The following TSC2 variants were observed in gnomAD, a reference collection of about 807,000 sequenced individuals.
TSC2 encodes tuberin.
A neutral mutation model predicts 202.2 loss-of-function variants in TSC2; 29 were observed. That is an observed-to-expected ratio of 0.14 (90% CI 0.11 to 0.20). The LOEUF (loss-of-function observed/expected upper bound fraction) is 0.20, where lower values mean the gene tolerates loss of function less well. TSC2 is among the 10% of genes least tolerant of loss of function. The pLI is 1.00. For missense variants in TSC2, 2,429 were observed against 2,420.0 expected (o/e 1.00, Z -0.08); for synonymous variants, 1,349 against 1,044.0 (o/e 1.29, Z -5.63).
Position 2,086,475 on chromosome 16 carries a change from C to T in TSC2, c.4849+96C>T. On this transcript the variant is annotated intron_variant, in intron 37 of 41. Transcript: ENST00000219476. ...CCCACGCCCTGGGGCATGGCCCTGG[C>T]ACCCCCACCTGCTCCAGCTCCCCAC... 13 of 1,512,528 alleles carry T rather than the reference C, an allele frequency of 8.6e-6. 1 individual carries two copies. The South Asian group carries it at 1.2e-4, about 14-fold the overall frequency. The allele number at this position is 1,512,528 out of a possible 1,614,324, so 93.7% of individuals were successfully genotyped here. A position where few individuals can be genotyped will look rare whatever the true frequency, so the allele number is the denominator to read the frequency against.
chr16:2,075,927 C>G lies in TSC2; in HGVS notation c.2639+35C>G, dbSNP rs371719593. On this transcript the variant is annotated intron_variant, in intron 23 of 41. Transcript: ENST00000219476. ...CGCCCCAGGCCCTGTGCCTCCCAGC[C>G]GTGGCCCCCGCTAGGCCTTGCGGCA... is the stretch of plus-strand genomic sequence containing the variant. 13 of 1,612,714 alleles carry G rather than the reference C, an allele frequency of 8.1e-6. No individual in the cohort carries two copies. In the African/African-American group the frequency reaches 1.7e-4, roughly 21 times the overall value.
At chr16:2,056,811 A>T (rs1226175951) in intron 8 of TSC2, 42 bp downstream of exon 8, 1 of 1,601,874 alleles carries the variant, frequency 6.2e-7, no homozygotes, top group Middle Eastern at 1.7e-4. Flanking sequence ...CTGAGAGCAC[A>T]TGGATGGGAC....
At position 2,086,486 on chromosome 16, in the gene TSC2, G is replaced by A. The variant is rs2090811221; in HGVS notation, c.4849+107G>A. 8.1e-6 allele frequency: 12 copies of A among 1,488,254 alleles called. No homozygotes were observed. In the South Asian group the frequency reaches 1.3e-4, roughly 16 times the overall value. 92.2% of individuals were successfully genotyped at this position (1,488,254 alleles called of 1,614,324 possible). Reference sequence around the variant, plus strand: ...GGGCATGGCCCTGGCACCCCCACCTGCTCCAGCTCCCCACGCCTCAGGTTC... The same window carrying A: ...GGGCATGGCCCTGGCACCCCCACCTACTCCAGCTCCCCACGCCTCAGGTTC... On this transcript the variant is annotated intron_variant, in intron 37 of 41. Transcript: ENST00000219476.
chr16:2,060,148 G>T (rs1369599719), intron 10 of TSC2, among the ~76,000 whole-genome samples: 1 of 151,020 alleles, frequency 6.6e-6, no homozygotes, highest in Non-Finnish European at 1.5e-5. Context: ...TACAGCTTCA[G>T]TTTCCGCAGT....
chr16:2,058,972 G>T (rs1438600232), intron 10 of TSC2, 99 bp downstream of exon 10: 4 of 1,543,012 alleles, frequency 2.6e-6, no homozygotes, highest in Non-Finnish European at 2.6e-6. Flanking sequence ...GGGGGCTGCG[G>T]TGGCATTTCT....
rs2091258923 is a variant in TSC2, at chr16:2,088,826, C to T, written c.*216C>T. Reference sequence around the variant, plus strand: ...GGTACACAGAAGCAGGCACAGCCAGCTCCGAGGGCCTTGAGGCTGCCTGGG... The same window carrying T: ...GGTACACAGAAGCAGGCACAGCCAGTTCCGAGGGCCTTGAGGCTGCCTGGG... On this transcript the variant is annotated 3_prime_UTR_variant, in exon 42 of 42. Coordinates refer to ENST00000219476, the MANE Select transcript of TSC2 (RefSeq NM_000548.5). 2 of 638,488 alleles carry T rather than the reference C, an allele frequency of 3.1e-6. No homozygotes were observed. Among genetic ancestry groups the T allele is most frequent in the Non-Finnish European group, 5.3e-6 (2 of 376,026 alleles). The allele number at this position is 638,488 out of a possible 1,614,324, so 39.6% of individuals were successfully genotyped here.
intron 16 of TSC2, among the ~76,000 whole-genome samples, chr16:2,065,905 T>C (rs1326218703): frequency 6.6e-6 from 1 of 152,186 alleles, no homozygotes; most frequent in Non-Finnish European, 1.5e-5. Flanking sequence ...AGCGTGGCGC[T>C]TGCCCTCGTC....
At chr16:2,059,557 T>A (rs899605733) in intron 10 of TSC2, among the ~76,000 whole-genome samples, 1 of 149,708 alleles carries the variant, frequency 6.7e-6, no homozygotes, top group African/African-American at 2.5e-5. Context: ...TTCGCTCTTA[T>A]TGCCCAGGCT....
chr16:2,083,638 T>TCAGGGC (rs1221924861), intron 32 of TSC2, 57 bp from the exon 33 acceptor site: 2 of 1,551,962 alleles, frequency 1.3e-6, no homozygotes, highest in Non-Finnish European at 1.7e-6. Flanking sequence ...GGAGGCCACG[T>TCAGGGC]CAGGGCCAGG....
chr16:2,072,386 G>A (rs2151320510), intron 20 of TSC2, 23 bp downstream of exon 20: 2 of 1,613,482 alleles, frequency 1.2e-6, no homozygotes, highest in Non-Finnish European at 1.7e-6. Context: ...GCCTGGGGTT[G>A]GGGTGGGGGA....
At chr16:2,077,322 T>G in intron 25 of TSC2, 1 of 476,036 alleles carries the variant, frequency 2.1e-6, no homozygotes. Flanking sequence ...CCACACACGT[T>G]TAATTTGCAC....
rs1359264673 is a variant in TSC2, at chr16:2,053,796, TC to T, written c.336+348del. Reference sequence around the variant, plus strand: ...TGCCCTTGCACCCTTTCGGGGCCACTCCCCTGCTCACTGCATTCCATCTGTG... The same window carrying T: ...TGCCCTTGCACCCTTTCGGGGCCACTCCCTGCTCACTGCATTCCATCTGTG... On this transcript the variant is annotated intron_variant, in intron 4 of 41. Transcript: ENST00000219476. 5 of 525,914 alleles carry T rather than the reference TC, an allele frequency of 9.5e-6. No homozygotes were observed. The Admixed American group carries it at 1.1e-4, about 12-fold the overall frequency. The allele number at this position is 525,914 out of a possible 1,614,324, so 32.6% of individuals were successfully genotyped here. A position where few individuals can be genotyped will look rare whatever the true frequency, so the allele number is the denominator to read the frequency against.
intron 31 of TSC2, 30 bp from the exon 32 acceptor site, chr16:2,082,406 G>C (rs1324626474): frequency 1.2e-6 from 2 of 1,611,610 alleles, no homozygotes; most frequent in South Asian, 1.1e-5. Context: ...TCCTCCTGCT[G>C]ACGTGGCCGC....
At chr16:2,078,693 T>G in intron 26 of TSC2, 1 of 398,852 alleles carries the variant, frequency 2.5e-6, no homozygotes, top group Non-Finnish European at 4.8e-6. Context: ...TCTGGGCCTG[T>G]CTGTGTGGCC....
At chr16:2,058,702 G>A (rs1297137345) in intron 9 of TSC2, 45 bp from the exon 10 acceptor site, 1 of 1,555,266 alleles carries the variant, frequency 6.4e-7, no homozygotes, top group African/African-American at 1.4e-5. Flanking sequence ...CGGACCCTGG[G>A]ACAGGGCCCT....
rs397515026 is a variant in TSC2 at position 2,079,494 on chromosome 16, A to G, written c.3285-63A>G. 482 of 1,608,346 alleles carry G rather than the reference A, an allele frequency of 3.0e-4. 2 individuals are homozygous for G. In the African/African-American group the frequency reaches 5.1e-3, roughly 17 times the overall value. ...CACCGGCTGTCCCGAGCCCAGGCCC[A>G]CGTGGCACCCTCGTACCAGCCTGGG... On this transcript the variant is annotated intron_variant, in intron 28 of 41. Coordinates refer to ENST00000219476, the MANE Select transcript of TSC2 (RefSeq NM_000548.5). This position sits in a 1 kb window ranked among gnomAD's most constrained non-coding sequence, Gnocchi z 4.6.
At chr16:2,080,014 C>G (rs1412840729) in intron 29 of TSC2, 151 bp from the exon 30 acceptor site, 2 of 1,083,512 alleles carry the variant, frequency 1.8e-6, no homozygotes, top group East Asian at 4.7e-5. Flanking sequence ...GAGGCCAGCA[C>G]TGTGGTGGGC....
At chr16:2,063,076 C>G (rs2151174111) in intron 14 of TSC2, 23 bp downstream of exon 14, 1 of 1,551,228 alleles carries the variant, frequency 6.4e-7, no homozygotes, top group Non-Finnish European at 8.7e-7. Context: ...GCGGCCGCAG[C>G]TGGGGGCTCA....
chr16:2,065,543 C>G lies in TSC2; in HGVS notation c.1624C>G (p.Pro542Ala), dbSNP rs891347695. 1 of 1,613,734 alleles carries G rather than the reference C, an allele frequency of 6.2e-7. No homozygotes were observed. The highest frequency in any genetic ancestry group is 8.5e-7 in the Non-Finnish European group (1 of 1,179,958). Residue 542 changes from proline to alanine, a missense_variant, in exon 16 of 42, where the codon CCC becomes GCC. Transcript: ENST00000219476. The stretch of plus-strand genomic sequence containing the variant: ...GGTGATGGCCCGCTCCCTCTCCCCA[C>G]CCCCGGAGCTGGAAGAAAGGGATGT... ...EKVMARSLSPPPELEERDVAA... is the reference protein window; with the variant it reads ...EKVMARSLSPAPELEERDVAA...
Sources: allele counts gnomAD v4.1 joint callset (sites outside exome capture counted in the v4.1 genomes callset), GRCh38; gene constraint gnomAD v4.1.1; non-coding constraint Gnocchi (gnomAD v3.1); transcripts MANE v1.5; gene names NCBI Gene and HGNC (gene_info 2026-07-23, HGNC 2026-07-21).